Variants in PLCXD2 observed in about 807,000 individuals in gnomAD.
PLCXD2 encodes the protein PI-PLC X domain-containing protein 2.
In PLCXD2, 21 loss-of-function variants were observed where a neutral mutation model predicts 28.6. That is an observed-to-expected ratio of 0.73 (90% CI 0.52 to 1.06). The LOEUF (loss-of-function observed/expected upper bound fraction) is 1.06. Ranked by LOEUF, PLCXD2 falls within the 50% of genes least tolerant of loss-of-function variation. The pLI is 0.00. For synonymous variants in PLCXD2, 140 were observed against 150.1 expected (o/e 0.93, Z 0.49); for missense variants, 369 against 376.7 (o/e 0.98, Z 0.17).
chr3:111,710,889 A>C (rs566503231), intron 2 of PLCXD2, among the ~76,000 whole-genome samples: 1 of 152,338 alleles, frequency 6.6e-6, no homozygotes, highest in South Asian at 2.1e-4. Flanking sequence ...TTCAGGAATA[A>C]AGAATAGTGT....
intron 1 of PLCXD2, among the ~76,000 whole-genome samples, chr3:111,681,391 T>G (rs1377764236): frequency 6.6e-6 from 1 of 152,252 alleles, no homozygotes; most frequent in African/African-American, 2.4e-5. Context: ...TCTGCTCTCC[T>G]CATTTCCTCA....
At chr3:111,680,204 T>TTAGTGGAG (rs1940691615) in intron 1 of PLCXD2, among the ~76,000 whole-genome samples, 1 of 152,154 alleles carries the variant, frequency 6.6e-6, no homozygotes, top group Non-Finnish European at 1.5e-5. Flanking sequence ...ACAAAATCCC[T>TTAGTGGAG]TAGTGGAGCA....
chr3:111,696,782 A>G (rs1177943138), intron 1 of PLCXD2, among the ~76,000 whole-genome samples: 1 of 152,222 alleles, frequency 6.6e-6, no homozygotes, highest in East Asian at 1.9e-4. Flanking sequence ...TAGAAATAAT[A>G]TGATTTAGGT....
At chr3:111,681,677 C>T (rs1940717385) in intron 1 of PLCXD2, among the ~76,000 whole-genome samples, 1 of 152,236 alleles carries the variant, frequency 6.6e-6, no homozygotes, top group African/African-American at 2.4e-5. Flanking sequence ...TACATGCTAT[C>T]GTTCACCAGT....
intron 2 of PLCXD2, 47 bp from the exon 3 acceptor site, chr3:111,713,840 C>G: frequency 6.3e-7 from 1 of 1,586,272 alleles, no homozygotes; most frequent in Non-Finnish European, 8.6e-7. Flanking sequence ...AGTTAACATT[C>G]AGCATTTTTA....
intron 3 of PLCXD2, among the ~76,000 whole-genome samples, chr3:111,720,262 C>T (rs1299111602): frequency 2.0e-5 from 3 of 152,100 alleles, no homozygotes; most frequent in African/African-American, 7.2e-5. Context: ...AACTGGAGTG[C>T]AGCTCTTGGC....
chr3:111,708,331 C>T lies in PLCXD2; in HGVS notation c.569C>T (p.Pro190Leu). 1 of 1,614,154 alleles carries T rather than the reference C, an allele frequency of 6.2e-7. No individual in the cohort carries two copies. The highest frequency in any genetic ancestry group is 8.5e-7 in the Non-Finnish European group (1 of 1,180,028). Residue 190 changes from proline to leucine, a missense_variant, in exon 2 of 5, where the codon CCA (proline) becomes CTA (leucine). Physicochemically the swap from Pro to Leu is moderately conservative, Grantham distance 98 (BLOSUM62 -3). Transcript: ENST00000477665. ...GAGGCCTTTGGAAACAAGCTGTGCC[C>T]AGCCTGCAGTGTGGAAAGTTTGACG...
At chr3:111,702,341 GA>G (rs1345904648) in intron 1 of PLCXD2, among the ~76,000 whole-genome samples, 3 of 152,072 alleles carry the variant, frequency 2.0e-5, no homozygotes, top group Non-Finnish European at 4.4e-5. Context: ...GCAACAGAAG[GA>G]GAGAAAGTGG....
chr3:111,713,878 A>G lies in PLCXD2; in HGVS notation c.625-9A>G. 1 of 1,606,598 alleles carries G rather than the reference A, an allele frequency of 6.2e-7. No homozygotes were observed. ...GATTGCTCTCCTTTTTGTGTTTTGA[A>G]TATTTCAGGTTCTTATTTTCTACCA... On this transcript the variant is annotated splice_polypyrimidine_tract_variant and intron_variant, in intron 2 of 4. Transcript: ENST00000477665.
rs773430898 is a variant in PLCXD2 at position 111,713,963 on chromosome 3, G to A, written c.701G>A (p.Trp234Ter). The A allele has an allele frequency of 1.8e-5, 29 of 1,613,982 alleles. No homozygotes were observed. The African/African-American group carries it at 3.2e-4, about 18-fold the overall frequency. ...CCAGGAAAGAAGATTCCAGCGCCCT[G>A]GGCAAACACCACAAGTGTGCGCAAA... The change falls in exon 3 of 5, where the codon TGG becomes TAG. Residue 234 changes from tryptophan (W) to a stop codon, truncating the protein, a stop_gained. Coordinates refer to ENST00000477665, the MANE Select transcript of PLCXD2 (RefSeq NM_001185106.1). LOFTEE classifies it high-confidence loss of function.
chr3:111,709,786 A>G (rs1479957441), intron 2 of PLCXD2, among the ~76,000 whole-genome samples: 2 of 152,202 alleles, frequency 1.3e-5, no homozygotes, highest in Non-Finnish European at 2.9e-5. Context: ...AGGAGGTCAG[A>G]GAGGCGACTG....
At chr3:111,710,684 T>C (rs1379774255) in intron 2 of PLCXD2, among the ~76,000 whole-genome samples, 2 of 152,248 alleles carry the variant, frequency 1.3e-5, no homozygotes, top group South Asian at 2.1e-4. Context: ...TGAAATACTT[T>C]GCTTTTATTA....
chr3:111,699,773 A>G (rs1460211519), intron 1 of PLCXD2, among the ~76,000 whole-genome samples: 2 of 152,144 alleles, frequency 1.3e-5, no homozygotes, highest in Non-Finnish European at 2.9e-5. Flanking sequence ...TAATCTAATC[A>G]CATACTAGGA....
chr3:111,696,836 A>G (rs1940968473), intron 1 of PLCXD2, among the ~76,000 whole-genome samples: 1 of 152,252 alleles, frequency 6.6e-6, no homozygotes, highest in Non-Finnish European at 1.5e-5. Context: ...GATGACTCTC[A>G]AAAATGAGCT....
chr3:111,693,009 A>C lies in PLCXD2; in HGVS notation c.164-14917A>C, dbSNP rs545063656. ...TAAGGGAAATAGTTCAATAACGTGC[A>C]AATGGGAAAGAGGGAGGGGTAGAAG... On this transcript the variant is annotated intron_variant, in intron 1 of 4. Transcript: ENST00000477665. Among the ~76,000 whole-genome samples, 4 of 152,356 alleles carry C rather than the reference A, an allele frequency of 2.6e-5. No homozygotes were observed. In the South Asian group the frequency reaches 8.3e-4, roughly 32 times the overall value.
rs1559797960 is a variant in PLCXD2 at position 111,713,875 on chromosome 3, T to C, written c.625-12T>C. On this transcript the variant is annotated splice_polypyrimidine_tract_variant and intron_variant, in intron 2 of 4. Coordinates refer to ENST00000477665, the MANE Select transcript of PLCXD2 (RefSeq NM_001185106.1). ...ATGGATTGCTCTCCTTTTTGTGTTT[T>C]GAATATTTCAGGTTCTTATTTTCTA... 1 of 1,605,412 alleles carries C rather than the reference T, an allele frequency of 6.2e-7. No homozygotes were observed. The highest frequency in any genetic ancestry group is 8.5e-7 in the Non-Finnish European group (1 of 1,173,186).
At chr3:111,722,837 A>G (rs1941364627) in intron 3 of PLCXD2, 1 of 152,204 alleles carries the variant, frequency 6.6e-6, no homozygotes, top group South Asian at 2.1e-4. Flanking sequence ...TCTGTAAAAC[A>G]ATTTAAGACC....
At chr3:111,716,102 A>G in intron 3 of PLCXD2, among the ~76,000 whole-genome samples, 1 of 152,220 alleles carries the variant, frequency 6.6e-6, no homozygotes, top group South Asian at 2.1e-4. Flanking sequence ...GCTTGGAAAG[A>G]TACTTTCTTT....
Position 111,706,257 on chromosome 3 carries a change from AT to A in PLCXD2, c.164-1668del, listed in dbSNP as rs1342370170. ...CTATTGAGTTGTTTGAATTCCTTGTATATTCTGGATATTAGTCCTTTGTAAG... is the reference window on the plus strand; with the variant it reads ...CTATTGAGTTGTTTGAATTCCTTGTAATTCTGGATATTAGTCCTTTGTAAG... On this transcript the variant is annotated intron_variant, in intron 1 of 4. Transcript: ENST00000477665. Among the ~76,000 whole-genome samples the A allele has an allele frequency of 6.6e-5, 10 of 152,296 alleles. 1 individual carries two copies. In the South Asian group the frequency reaches 2.1e-3, roughly 32 times the overall value.
Sources: gnomAD v4.1 joint callset for allele counts (sites outside exome capture counted in the v4.1 genomes callset) on GRCh38, gnomAD v4.1.1 for gene constraint, MANE v1.5 for transcripts, NCBI Gene and HGNC (gene_info 2026-07-23, HGNC 2026-07-21) for gene names.